Variants in DEPTOR observed in about 807,000 individuals in gnomAD.
DEPTOR encodes the protein DEP domain-containing mTOR-interacting protein.
In DEPTOR, 41 loss-of-function variants were observed where a neutral mutation model predicts 41.6. That is an observed-to-expected ratio of 0.98 (90% CI 0.77 to 1.28). The LOEUF (loss-of-function observed/expected upper bound fraction) is 1.28, where lower values mean the gene tolerates loss of function less well. DEPTOR is among the 50% of genes most tolerant of loss of function. The pLI is 0.00. For missense variants in DEPTOR, 514 were observed against 527.9 expected (o/e 0.97, Z 0.26); for synonymous variants, 195 against 192.3 (o/e 1.01, Z -0.12).
At chr8:119,883,503 T>C (rs1461856834) in intron 1 of DEPTOR, among the ~76,000 whole-genome samples, 1 of 141,754 alleles carries the variant, frequency 7.1e-6, no homozygotes. Flanking sequence ...AAAAGAAGGA[T>C]ATGCTTTAGT....
intron 1 of DEPTOR, among the ~76,000 whole-genome samples, chr8:119,874,821 G>C (rs1827211849): frequency 6.6e-6 from 1 of 152,100 alleles, no homozygotes; most frequent in Admixed American, 6.6e-5. Flanking sequence ...AGTACTTATG[G>C]TCTAACTGGT....
Position 119,896,597 on chromosome 8 carries a change from T to A in DEPTOR, c.122+22629T>A, listed in dbSNP as rs528741889. On this transcript the variant is annotated intron_variant, in intron 1 of 8. Transcript: ENST00000286234. Reference sequence around the variant, plus strand: ...TCACTGCAACCTCTACCTCCTGGGTTCAAGTGATTCTCCCGCCTTGGCCTC... The same window carrying A: ...TCACTGCAACCTCTACCTCCTGGGTACAAGTGATTCTCCCGCCTTGGCCTC... Among the ~76,000 whole-genome samples the A allele has an allele frequency of 2.4e-3, 361 of 152,256 alleles. 1 individual carries two copies. The highest frequency in any genetic ancestry group is 8.2e-3 in the African/African-American group (339 of 41,544).
Position 119,918,938 on chromosome 8 carries a change from AGTGT to A in DEPTOR, c.123-9437_123-9434del, listed in dbSNP as rs751715374. On this transcript the variant is annotated intron_variant, in intron 1 of 8. Coordinates refer to ENST00000286234, the MANE Select transcript of DEPTOR (RefSeq NM_022783.4). Reference sequence around the variant, plus strand: ...GGTTACTGCAGCTATTTGCATAGTGAGTGTGTGTGTGTGTGTGTGTGTGTGTGTA... The same window carrying A: ...GGTTACTGCAGCTATTTGCATAGTGAGTGTGTGTGTGTGTGTGTGTGTGTA... Among the ~76,000 whole-genome samples, 119 of 133,532 alleles carry A rather than the reference AGTGT, an allele frequency of 8.9e-4. 1 individual carries two copies. The East Asian group carries it at 0.017, about 19-fold the overall frequency. 87.6% of individuals were successfully genotyped at this position (133,532 alleles called of 152,430 possible).
chr8:119,890,168 T>C (rs1482277368), intron 1 of DEPTOR, among the ~76,000 whole-genome samples: 1 of 152,188 alleles, frequency 6.6e-6, no homozygotes, highest in African/African-American at 2.4e-5. Flanking sequence ...TTTCCCAGGC[T>C]GATCTTGAAC....
At chr8:119,937,907 A>G (rs1828134254) in intron 3 of DEPTOR, among the ~76,000 whole-genome samples, 1 of 152,198 alleles carries the variant, frequency 6.6e-6, no homozygotes, top group Non-Finnish European at 1.5e-5. Flanking sequence ...GGTCTTCAAG[A>G]AAACTTGCCC....
intron 1 of DEPTOR, among the ~76,000 whole-genome samples, chr8:119,907,828 G>A (rs1186704088): frequency 6.6e-6 from 1 of 152,026 alleles, no homozygotes; most frequent in Non-Finnish European, 1.5e-5. Flanking sequence ...ATCAATGGAG[G>A]GCAATTGAGT....
chr8:120,035,965 C>T (rs965275712), intron 8 of DEPTOR, among the ~76,000 whole-genome samples: 1 of 152,224 alleles, frequency 6.6e-6, no homozygotes, highest in African/African-American at 2.4e-5. Context: ...ACATCAGTGT[C>T]GGTCACAAAT....
chr8:119,941,628 A>T (rs1314768408), intron 3 of DEPTOR, among the ~76,000 whole-genome samples: 1 of 152,086 alleles, frequency 6.6e-6, no homozygotes, highest in African/African-American at 2.4e-5. Context: ...GTTGATAATG[A>T]TGAAGGCAGC....
intron 8 of DEPTOR, among the ~76,000 whole-genome samples, chr8:120,038,981 C>G (rs372810543): frequency 6.6e-6 from 1 of 152,168 alleles, no homozygotes; most frequent in East Asian, 1.9e-4. Context: ...TGCTGACTGG[C>G]AAGTTGTGAC....
chr8:119,927,111 G>GC (rs1230185021), intron 1 of DEPTOR, among the ~76,000 whole-genome samples: 5 of 152,146 alleles, frequency 3.3e-5, no homozygotes, highest in African/African-American at 1.2e-4. Flanking sequence ...GACAACATAT[G>GC]CATATCACAG....
chr8:120,030,068 G>A (rs1333013956), intron 8 of DEPTOR, among the ~76,000 whole-genome samples: 1 of 152,116 alleles, frequency 6.6e-6, no homozygotes, highest in Non-Finnish European at 1.5e-5. Context: ...TCACTTTTTA[G>A]AGCCAGAGTA....
At chr8:119,952,611 C>T (rs891857790) in intron 3 of DEPTOR, among the ~76,000 whole-genome samples, 3 of 152,146 alleles carry the variant, frequency 2.0e-5, no homozygotes, top group African/African-American at 4.8e-5. Context: ...ATGTGTTGTT[C>T]CCCCCGGGCC....
chr8:119,964,845 G>A (rs987126674), intron 3 of DEPTOR, among the ~76,000 whole-genome samples: 4 of 151,986 alleles, frequency 2.6e-5, no homozygotes, highest in Non-Finnish European at 4.4e-5. Flanking sequence ...AGGCCGAGAC[G>A]GGTGGATCAC....
intron 3 of DEPTOR, among the ~76,000 whole-genome samples, chr8:119,938,035 C>A (rs2129882341): frequency 6.6e-6 from 1 of 152,272 alleles, no homozygotes; most frequent in South Asian, 2.1e-4. Flanking sequence ...TACAAAAATT[C>A]TTGAAAAGCT....
intron 3 of DEPTOR, among the ~76,000 whole-genome samples, chr8:119,958,915 T>A (rs1828453240): frequency 6.6e-6 from 1 of 152,124 alleles, no homozygotes; most frequent in African/African-American, 2.4e-5. Flanking sequence ...AGCAATGAAG[T>A]CACACTGGAA....
At chr8:119,999,405 G>A (rs892132216) in intron 4 of DEPTOR, among the ~76,000 whole-genome samples, 1 of 152,170 alleles carries the variant, frequency 6.6e-6, no homozygotes, top group Non-Finnish European at 1.5e-5. Flanking sequence ...GCTGTATGAG[G>A]GCTAGCTCTT....
At chr8:119,998,991 C>T (rs1025227465) in intron 4 of DEPTOR, among the ~76,000 whole-genome samples, 28 of 150,506 alleles carry the variant, frequency 1.9e-4, no homozygotes, top group Non-Finnish European at 2.8e-4. Flanking sequence ...AGGCCGGGCA[C>T]GGAGGCTCGT....
At chr8:119,925,630 T>G (rs1203491723) in intron 1 of DEPTOR, among the ~76,000 whole-genome samples, 1 of 152,060 alleles carries the variant, frequency 6.6e-6, no homozygotes, top group Non-Finnish European at 1.5e-5. Context: ...GCCTGTTTAC[T>G]TTTTGTTTTT....
chr8:119,940,908 A>G lies in DEPTOR; in HGVS notation c.425+10970A>G, dbSNP rs183500585. On this transcript the variant is annotated intron_variant, in intron 3 of 8. Transcript: ENST00000286234. ...GAGGCACCTAGAACAGTTAATTCATAGAGATGGAAAGTAGAATGGTGGTTG... is the reference window on the plus strand; with the variant it reads ...GAGGCACCTAGAACAGTTAATTCATGGAGATGGAAAGTAGAATGGTGGTTG... Among the ~76,000 whole-genome samples, 188 of 152,276 alleles carry G rather than the reference A, an allele frequency of 1.2e-3. 1 individual carries two copies. The highest frequency in any genetic ancestry group is 2.1e-3 in the Non-Finnish European group (144 of 68,024).
Sources: gnomAD v4.1 joint callset for allele counts (sites outside exome capture counted in the v4.1 genomes callset) on GRCh38, gnomAD v4.1.1 for gene constraint, MANE v1.5 for transcripts, NCBI Gene and HGNC (gene_info 2026-07-23, HGNC 2026-07-21) for gene names.